Variants in ATP6V0A1 observed in about 807,000 individuals in gnomAD.
ATP6V0A1 encodes V-type proton ATPase 116 kDa subunit a 1.
A neutral mutation model predicts 105.4 loss-of-function variants in ATP6V0A1; 43 were observed. The observed-to-expected ratio is 0.41, with a 90% CI of 0.32 to 0.53. ATP6V0A1 has a LOEUF of 0.53. Ranked by LOEUF, ATP6V0A1 falls within the 20% of genes least tolerant of loss-of-function variation. The pLI is 0.30. For synonymous variants in ATP6V0A1, 362 were observed against 372.8 expected (o/e 0.97, Z 0.33); for missense variants, 676 against 1,051.1 (o/e 0.64, Z 4.93).
intron 1 of ATP6V0A1, among the ~76,000 whole-genome samples, chr17:42,459,771 T>G (rs4796586): frequency 1 from 152,311 of 152,328 alleles, 76,147 homozygotes; most frequent in Middle Eastern, 1. Flanking sequence ...ATGTCTGAGC[T>G]TGTGTTACTG....
intron 14 of ATP6V0A1, 30 bp from the exon 15 acceptor site, chr17:42,498,894 A>C: frequency 7.1e-7 from 1 of 1,409,274 alleles, no homozygotes; most frequent in East Asian, 2.3e-5. Flanking sequence ...ATTCTTTATA[A>C]TACCTATTTG....
intron 17 of ATP6V0A1, 96 bp from the exon 18 acceptor site, chr17:42,507,424 T>G: frequency 1.2e-6 from 1 of 849,360 alleles, no homozygotes; most frequent in East Asian, 2.5e-5. Flanking sequence ...ACATATGCTT[T>G]TCTGAGGTTT....
intron 17 of ATP6V0A1, among the ~76,000 whole-genome samples, chr17:42,503,959 C>CT (rs1446853876): frequency 2.0e-5 from 3 of 152,228 alleles, no homozygotes; most frequent in Admixed American, 6.5e-5. Flanking sequence ...AACACATACT[C>CT]TTTTTTCTGC....
At chr17:42,487,735 A>AAAT (rs2090245736) in intron 10 of ATP6V0A1, among the ~76,000 whole-genome samples, 2 of 151,942 alleles carry the variant, frequency 1.3e-5, no homozygotes, top group Non-Finnish European at 2.9e-5. Context: ...CTCAAAAAAA[A>AAAT]AAAATAATAA....
intron 2 of ATP6V0A1, among the ~76,000 whole-genome samples, chr17:42,464,825 C>T (rs1274756182): frequency 1.3e-5 from 2 of 152,064 alleles, no homozygotes; most frequent in African/African-American, 4.8e-5. Flanking sequence ...TTTGTATTTT[C>T]CCCAGTGCCT....
intron 9 of ATP6V0A1, 99 bp from the exon 10 acceptor site, chr17:42,487,056 G>A: frequency 2.5e-6 from 3 of 1,177,942 alleles, no homozygotes; most frequent in Non-Finnish European, 3.8e-6. Flanking sequence ...CAATTCCCTG[G>A]CAACTCTTTT....
intron 4 of ATP6V0A1, among the ~76,000 whole-genome samples, chr17:42,469,824 T>C (rs1381208386): frequency 6.6e-6 from 1 of 152,094 alleles, no homozygotes; most frequent in Admixed American, 6.6e-5. Context: ...GTATTTTTAG[T>C]AGAGACGTGG....
At chr17:42,479,769 G>C (rs1250002401) in intron 7 of ATP6V0A1, among the ~76,000 whole-genome samples, 1 of 152,170 alleles carries the variant, frequency 6.6e-6, no homozygotes, top group Admixed American at 6.5e-5. Context: ...AAGGCCATCA[G>C]GTTGTGGAAA....
At chr17:42,487,416 C>A in intron 10 of ATP6V0A1, 49 bp downstream of exon 10, 2 of 1,576,350 alleles carry the variant, frequency 1.3e-6, no homozygotes, top group South Asian at 2.2e-5. Flanking sequence ...AAGAGAGGTT[C>A]CCATCAATAG....
chr17:42,512,848 C>CT (rs1208825477), intron 19 of ATP6V0A1, among the ~76,000 whole-genome samples: 1 of 152,252 alleles, frequency 6.6e-6, no homozygotes, highest in Non-Finnish European at 1.5e-5. Flanking sequence ...GGGGAGGCCA[C>CT]TGAGCCCTCA....
intron 18 of ATP6V0A1, 145 bp from the exon 19 acceptor site, chr17:42,508,427 A>G: frequency 1.1e-6 from 1 of 910,432 alleles, no homozygotes; most frequent in Non-Finnish European, 1.8e-6. Flanking sequence ...CGCTTTGTGT[A>G]TATGCTGAGG....
intron 10 of ATP6V0A1, among the ~76,000 whole-genome samples, chr17:42,487,798 C>T (rs1194843671): frequency 2.0e-5 from 3 of 152,162 alleles, no homozygotes; most frequent in Non-Finnish European, 4.4e-5. Context: ...ATTTCACCTT[C>T]AGAGTTCTTC....
chr17:42,507,880 C>T (rs2092124652), intron 18 of ATP6V0A1, among the ~76,000 whole-genome samples: 1 of 152,164 alleles, frequency 6.6e-6, no homozygotes, highest in South Asian at 2.1e-4. Flanking sequence ...CAGTGCTCTG[C>T]ACGCAGGTCT....
At chr17:42,490,788 A>G in intron 11 of ATP6V0A1, 151 bp downstream of exon 11, 1 of 799,812 alleles carries the variant, frequency 1.3e-6, no homozygotes, top group Non-Finnish European at 1.9e-6. Flanking sequence ...TCCTGGCCTC[A>G]AGAGATCCTC....
At chr17:42,470,410 A>AT (rs1219558743) in intron 5 of ATP6V0A1, 192 bp downstream of exon 5, 3 of 565,046 alleles carry the variant, frequency 5.3e-6, no homozygotes, top group East Asian at 7.5e-5. Flanking sequence ...ATGGTTTTGC[A>AT]TTTTTTCACA....
chr17:42,507,647 G>A lies in ATP6V0A1; in HGVS notation c.2112+20G>A, dbSNP rs1156272198. The A allele has an allele frequency of 1.2e-6, 2 of 1,601,628 alleles. No homozygotes were observed. The highest frequency in any genetic ancestry group is 8.6e-7 in the Non-Finnish European group (1 of 1,169,060). On this transcript the variant is annotated intron_variant, in intron 18 of 21. Transcript: ENST00000343619. ...GACGAGGTAAGATCCCGTGGTGTGG[G>A]CTTTCTCTCCTTCCACCTCGGGTCA...
chr17:42,492,982 C>G (rs998805306), intron 11 of ATP6V0A1, among the ~76,000 whole-genome samples: 2 of 152,138 alleles, frequency 1.3e-5, no homozygotes, highest in Non-Finnish European at 2.9e-5. Context: ...TGTGCCACTG[C>G]ACTCCAGCCT....
At chr17:42,479,904 CAG>C (rs1304489978) in intron 7 of ATP6V0A1, among the ~76,000 whole-genome samples, 1 of 152,194 alleles carries the variant, frequency 6.6e-6, no homozygotes, top group East Asian at 1.9e-4. Flanking sequence ...ATATCTGTAA[CAG>C]AGCAGGCTGC....
chr17:42,490,092 A>G (rs1446486566), intron 10 of ATP6V0A1, among the ~76,000 whole-genome samples: 1 of 152,210 alleles, frequency 6.6e-6, no homozygotes, highest in Non-Finnish European at 1.5e-5. Context: ...AAGAGAAGGT[A>G]GTGAAGAAGG....
Sources: allele counts gnomAD v4.1 joint callset (sites outside exome capture counted in the v4.1 genomes callset), GRCh38; gene constraint gnomAD v4.1.1; transcripts MANE v1.5; gene names NCBI Gene and HGNC (gene_info 2026-07-23, HGNC 2026-07-21).